EFHD1: variants seen among roughly 807,000 people sequenced by gnomAD.
The protein encoded by EFHD1 is EF-hand domain-containing protein D1.
Under a neutral mutation model 17.2 loss-of-function variants are expected in EFHD1, and 10 were observed. The ratio of observed to expected loss-of-function variants is 0.58; its 90% confidence interval spans 0.36 to 0.99. EFHD1 has a LOEUF of 0.99. EFHD1 is among the 50% of genes least tolerant of loss of function. The probability of loss-of-function intolerance (pLI) is 0.01; values close to 1 mark genes in which losing one functional copy is unlikely to be tolerated. For synonymous variants in EFHD1, 153 were observed against 142.0 expected, an observed-to-expected ratio of 1.08 and a Z score of -0.55; for missense variants, 310 against 327.5, an observed-to-expected ratio of 0.95 and a Z score of 0.41.
chr2:232,633,376 C>T, upstream of EFHD1: 1 of 957,646 alleles, frequency 1.0e-6, no homozygotes. Flanking sequence ...TCCGAGGGTC[C>T]CTGCCTGGTC....
intron 3 of EFHD1, among the ~76,000 whole-genome samples, chr2:232,679,608 G>A (rs1695237665): frequency 6.6e-6 from 1 of 151,592 alleles, no homozygotes; most frequent in African/African-American, 2.4e-5. Context: ...TAGCTGCTCA[G>A]GATGCTGAGG....
intron 3 of EFHD1, 125 bp downstream of exon 3, chr2:232,672,568 A>C: frequency 7.3e-7 from 1 of 1,365,402 alleles, no homozygotes; most frequent in Non-Finnish European, 9.9e-7. Context: ...GGGTCCTCCC[A>C]GTGCTCTGCC....
intron 1 of EFHD1, among the ~76,000 whole-genome samples, chr2:232,634,233 A>G (rs1026234372): frequency 1.3e-5 from 2 of 151,970 alleles, no homozygotes; most frequent in African/African-American, 4.8e-5. Context: ...ACGGAGCCCA[A>G]AAGTTCTCGG....
At chr2:232,617,431 C>T (rs555335975) in intron 1 of EFHD1, among the ~76,000 whole-genome samples, 11 of 149,962 alleles carry the variant, frequency 7.3e-5, no homozygotes, top group Middle Eastern at 3.7e-3. Flanking sequence ...AGGTGGATCA[C>T]GAGGTCAGGA....
chr2:232,628,969 T>C (rs1694153890), upstream of EFHD1, among the ~76,000 whole-genome samples: 1 of 151,784 alleles, frequency 6.6e-6, no homozygotes, highest in African/African-American at 2.4e-5. Context: ...CCAGGCCACG[T>C]GGAGAGGCCA....
intron 1 of EFHD1, among the ~76,000 whole-genome samples, chr2:232,619,838 T>C (rs1483833383): frequency 2.0e-5 from 3 of 151,724 alleles, no homozygotes; most frequent in Non-Finnish European, 2.9e-5. Flanking sequence ...CAAGGCTGCA[T>C]TGAGCTATGA....
intron 1 of EFHD1, among the ~76,000 whole-genome samples, chr2:232,658,951 G>A (rs1412350189): frequency 6.6e-6 from 1 of 152,018 alleles, no homozygotes; most frequent in Non-Finnish European, 1.5e-5. Context: ...GGGAAGTGAG[G>A]TCCATCCTCA....
intron 1 of EFHD1, among the ~76,000 whole-genome samples, chr2:232,647,230 G>A (rs192557511): frequency 6.6e-6 from 1 of 152,258 alleles, no homozygotes; most frequent in Non-Finnish European, 1.5e-5. Flanking sequence ...TGTGGGCCTG[G>A]AGTGGAGAAA....
At chr2:232,615,398 C>T (rs888863321) in intron 1 of EFHD1, among the ~76,000 whole-genome samples, 6 of 150,228 alleles carry the variant, frequency 4.0e-5, no homozygotes, top group South Asian at 2.1e-4. Context: ...ACTGTATTTA[C>T]GCACCAGAGT....
rs1221169282 is a variant in EFHD1 at position 232,682,645 on chromosome 2, A to G, written c.*926A>G. ...AGCTGTAGATGTTCTTATCCCCCAT[A>G]CTTGTGAGTTCTTGGGGTTGCTCAC... is the stretch of plus-strand genomic sequence containing the variant. On this transcript the variant is annotated 3_prime_UTR_variant, in exon 4 of 4. Coordinates refer to ENST00000264059, the MANE Select transcript of EFHD1 (RefSeq NM_025202.4). The G allele has an allele frequency of 6.6e-6, 1 of 151,858 alleles. No individual in the cohort carries two copies. Among genetic ancestry groups the G allele is most frequent in the Non-Finnish European group, 1.5e-5 (1 of 67,972 alleles). 9.4% of individuals were successfully genotyped at this position (151,858 alleles called of 1,614,324 possible). A position where few individuals can be genotyped will look rare whatever the true frequency, so the allele number is the denominator to read the frequency against.
At chr2:232,672,560 G>T in intron 3 of EFHD1, 117 bp downstream of exon 3, 1 of 1,419,226 alleles carries the variant, frequency 7.0e-7, no homozygotes, top group Non-Finnish European at 9.5e-7. Context: ...GACCAGGAGG[G>T]TCCTCCCAGT....
chr2:232,675,887 C>A lies in EFHD1; in HGVS notation c.585+3444C>A, dbSNP rs116548547. ...TGATGATATTTTTCATCAAGACCAG[C>A]CTCCCAGGCCAATTGCGGTGGCTCA... On this transcript the variant is annotated intron_variant, in intron 3 of 3. Transcript: ENST00000264059. Among the ~76,000 whole-genome samples, 1,161 of 152,088 alleles carry A rather than the reference C, an allele frequency of 7.6e-3. 14 individuals are homozygous for A. Among genetic ancestry groups the A allele is most frequent in the African/African-American group, 0.027 (1,101 of 41,512 alleles).
upstream of EFHD1, among the ~76,000 whole-genome samples, chr2:232,629,474 T>C (rs532268897): frequency 2.6e-5 from 4 of 152,320 alleles, no homozygotes; most frequent in South Asian, 8.3e-4. Flanking sequence ...GATTTTCTTT[T>C]TCTTTTTTTT....
At chr2:232,613,995 CAT>C (rs769670114) in intron 1 of EFHD1, among the ~76,000 whole-genome samples, 37 of 151,812 alleles carry the variant, frequency 2.4e-4, no homozygotes, top group African/African-American at 5.1e-4. Flanking sequence ...CATACATACA[CAT>C]GTGCACATAC....
intron 1 of EFHD1, among the ~76,000 whole-genome samples, chr2:232,634,672 G>C (rs1363791037): frequency 6.6e-6 from 1 of 152,074 alleles, no homozygotes; most frequent in African/African-American, 2.4e-5. Flanking sequence ...AGTGCGCGGG[G>C]AGCCGCTCAC....
At chr2:232,648,234 G>A (rs1170448830) in intron 1 of EFHD1, among the ~76,000 whole-genome samples, 1 of 152,116 alleles carries the variant, frequency 6.6e-6, no homozygotes, top group African/African-American at 2.4e-5. Flanking sequence ...GAGTGTTTGG[G>A]GCACAAGGAG....
chr2:232,651,963 C>T (rs1694662704), intron 1 of EFHD1, among the ~76,000 whole-genome samples: 1 of 152,160 alleles, frequency 6.6e-6, no homozygotes, highest in Non-Finnish European at 1.5e-5. Flanking sequence ...ATCACCCAGC[C>T]TGGGGCAGAG....
At chr2:232,625,725 T>C (rs1694094391) in intron 1 of EFHD1, among the ~76,000 whole-genome samples, 1 of 152,086 alleles carries the variant, frequency 6.6e-6, no homozygotes, top group South Asian at 2.1e-4. Flanking sequence ...ACTAAGACAG[T>C]ATTTGCCTTT....
upstream of EFHD1, chr2:232,633,581 C>T (rs1559342354): frequency 1.5e-6 from 2 of 1,304,242 alleles, no homozygotes; most frequent in African/African-American, 1.6e-5. Context: ...CCCTCCCAAC[C>T]GCCGGGTCCC....
Sources: allele counts gnomAD v4.1 joint callset (sites outside exome capture counted in the v4.1 genomes callset), GRCh38; gene constraint gnomAD v4.1.1; transcripts MANE v1.5; gene names NCBI Gene and HGNC (gene_info 2026-07-23, HGNC 2026-07-21).